DACH2: variants seen among roughly 807,000 people sequenced by gnomAD.
DACH2 encodes dachshund family transcription factor 2.
DACH2 carries 17 observed loss-of-function variants against 35.8 expected under a neutral mutation model. The ratio of observed to expected loss-of-function variants is 0.48; its 90% CI spans 0.33 to 0.71. The LOEUF is 0.71. Among genes scored for constraint, DACH2 ranks in the 30% least tolerant of loss-of-function variants. DACH2 has a pLI of 0.02. For synonymous variants in DACH2, 195 were observed against 177.3 expected (o/e 1.10, Z -0.79); for missense variants, 469 against 472.7 (o/e 0.99, Z 0.07).
chrX:86,408,908 T>A (rs767368822), intron 2 of DACH2, among the ~76,000 whole-genome samples: 30 of 111,605 alleles, frequency 2.7e-4, no homozygotes, highest in African/African-American at 8.8e-4. Flanking sequence ...AACTGTAAGG[T>A]AAATGAATGA....
At chrX:86,546,823 C>T (rs2038981506) in intron 3 of DACH2, among the ~76,000 whole-genome samples, 1 of 110,187 alleles carries the variant, frequency 9.1e-6, no homozygotes, top group Non-Finnish European at 1.9e-5. Context: ...CAACACCTCC[C>T]TTTCAAACTG....
chrX:86,436,844 ACTT>A (rs966049249), intron 2 of DACH2, among the ~76,000 whole-genome samples: 10 of 111,664 alleles, frequency 9.0e-5, no homozygotes, highest in Admixed American at 2.9e-4. Context: ...CAAAGTGTCT[ACTT>A]CTTCTATGAA....
chrX:86,265,069 G>A (rs1033271538), intron 1 of DACH2, among the ~76,000 whole-genome samples: 1 of 111,508 alleles, frequency 9.0e-6, no homozygotes, highest in African/African-American at 3.3e-5. Flanking sequence ...ATCTTAAAAG[G>A]TCTAACCATA....
intron 1 of DACH2, among the ~76,000 whole-genome samples, chrX:86,369,521 C>A (rs1361437233): frequency 9.1e-6 from 1 of 110,417 alleles, no homozygotes; most frequent in East Asian, 2.9e-4. Flanking sequence ...TCTTCATCTG[C>A]AGCTACACTA....
intron 6 of DACH2, among the ~76,000 whole-genome samples, chrX:86,727,969 A>G (rs866517250): frequency 1.2e-4 from 13 of 112,216 alleles, no homozygotes; most frequent in Non-Finnish European, 2.1e-4. Flanking sequence ...AGAACTGGGT[A>G]ATGGGCAGAG....
At chrX:86,400,307 CT>C (rs970563393) in intron 2 of DACH2, among the ~76,000 whole-genome samples, 1 of 110,292 alleles carries the variant, frequency 9.1e-6, no homozygotes, top group Non-Finnish European at 1.9e-5. Flanking sequence ...AAGTTTTTAA[CT>C]TTTTTGCGAT....
intron 1 of DACH2, among the ~76,000 whole-genome samples, chrX:86,254,807 T>TAGAGAGAGAGAGAGAGAGAG (rs755869488): frequency 6.0e-5 from 3 of 49,652 alleles, no homozygotes; most frequent in African/African-American, 3.5e-4. Flanking sequence ...TATATATATA[T>TAGAGAGAGAGAGAGAGAGAG]AGAGAGAGAG....
chrX:86,640,651 T>C (rs545277725), intron 3 of DACH2, among the ~76,000 whole-genome samples: 2 of 107,836 alleles, frequency 1.9e-5, no homozygotes, highest in Non-Finnish European at 1.9e-5. Context: ...AGCTAAGGAG[T>C]GCCAAGTCAT....
chrX:86,783,916 A>G (rs1430967056), intron 7 of DACH2, among the ~76,000 whole-genome samples: 1 of 110,705 alleles, frequency 9.0e-6, no homozygotes, highest in Non-Finnish European at 1.9e-5. Context: ...AATGAATAAG[A>G]CCTACTATTT....
intron 3 of DACH2, among the ~76,000 whole-genome samples, chrX:86,607,597 T>G (rs2148364625): frequency 9.0e-6 from 1 of 110,640 alleles, no homozygotes; most frequent in South Asian, 3.8e-4. Context: ...TGTTTTTTAT[T>G]ATTATTATTA....
At position 86,346,427 on chromosome X, in the gene DACH2, T is replaced by A. The variant is rs747084945; in HGVS notation, c.489-30397T>A. ...TAGATATCTATCCATTCCATGTCATTAAAAAAAATTGATATAAGTTAGAGC... is the reference window on the plus strand; with the variant it reads ...TAGATATCTATCCATTCCATGTCATAAAAAAAAATTGATATAAGTTAGAGC... On this transcript the variant is annotated intron_variant, in intron 1 of 11. Transcript: ENST00000373125. 5.0e-3 allele frequency among the ~76,000 whole-genome samples: 549 copies of A among 109,452 alleles called. 4 individuals carry two copies. The highest frequency in any genetic ancestry group is 0.017 in the African/African-American group (520 of 29,778).
At chrX:86,222,584 G>C (rs1157279737) in intron 1 of DACH2, among the ~76,000 whole-genome samples, 1 of 111,362 alleles carries the variant, frequency 9.0e-6, no homozygotes, top group African/African-American at 3.3e-5. Flanking sequence ...GGAGGACTTA[G>C]GCATTCAGGG....
At chrX:86,421,430 A>G (rs2036801448) in intron 2 of DACH2, among the ~76,000 whole-genome samples, 1 of 111,429 alleles carries the variant, frequency 9.0e-6, no homozygotes. Flanking sequence ...CAGAAGATTT[A>G]AGGCAACTCA....
chrX:86,434,212 T>C, intron 2 of DACH2, among the ~76,000 whole-genome samples: 1 of 112,178 alleles, frequency 8.9e-6, no homozygotes, highest in East Asian at 2.8e-4. Flanking sequence ...TTATTTTTTG[T>C]TGGTACATAA....
intron 2 of DACH2, among the ~76,000 whole-genome samples, chrX:86,495,573 G>A (rs1243628122): frequency 9.0e-6 from 1 of 110,503 alleles, no homozygotes; most frequent in African/African-American, 3.3e-5. Flanking sequence ...ACTTTGGGAG[G>A]CCAAGGCAGG....
chrX:86,748,395 TCAAA>T (rs757323478), intron 7 of DACH2, among the ~76,000 whole-genome samples: 104 of 112,282 alleles, frequency 9.3e-4, no homozygotes, highest in Non-Finnish European at 1.7e-3. Context: ...AACTCGAAAG[TCAAA>T]CAATTACTCC....
At chrX:86,708,745 A>T (rs991278448) in intron 5 of DACH2, among the ~76,000 whole-genome samples, 1 of 111,357 alleles carries the variant, frequency 9.0e-6, no homozygotes, top group Non-Finnish European at 1.9e-5. Flanking sequence ...CAATATATCC[A>T]TGTAACAAAA....
Position 86,816,028 on chromosome X carries a change from T to C in DACH2, c.1685-6T>C. On this transcript the variant is annotated splice_region_variant and splice_polypyrimidine_tract_variant and intron_variant, in intron 10 of 11. Transcript: ENST00000373125. ...GTATATTAATCTTGCATGTCATTTATTTCAGATACTGGAATTCCAGATATT... is the reference window on the plus strand; with the variant it reads ...GTATATTAATCTTGCATGTCATTTACTTCAGATACTGGAATTCCAGATATT... The C allele has an allele frequency of 8.5e-7, 1 of 1,171,461 alleles. No homozygotes were observed. The highest frequency in any genetic ancestry group is 2.5e-4 in the Middle Eastern group (1 of 3,929).
At chrX:86,633,468 G>A (rs924201500) in intron 3 of DACH2, among the ~76,000 whole-genome samples, 2 of 111,145 alleles carry the variant, frequency 1.8e-5, no homozygotes, top group East Asian at 2.8e-4. Flanking sequence ...AAACAATCTC[G>A]CGACACACAC....
Sources: gnomAD v4.1 joint callset for allele counts (sites outside exome capture counted in the v4.1 genomes callset) on GRCh38, gnomAD v4.1.1 for gene constraint, MANE v1.5 for transcripts, NCBI Gene and HGNC (gene_info 2026-07-23, HGNC 2026-07-21) for gene names.